The following TOM1L2 variants were observed in gnomAD, a reference collection of about 807,000 sequenced individuals.
TOM1L2 encodes TOM1-like protein 2.
In TOM1L2, 31 loss-of-function variants were observed where a neutral mutation model predicts 67.9. The observed-to-expected ratio is 0.46, with a 90% confidence interval of 0.34 to 0.62. The LOEUF (loss-of-function observed/expected upper bound fraction) is 0.62, where lower values mean the gene tolerates loss of function less well. TOM1L2 is among the 20% of genes least tolerant of loss of function. The pLI is 0.01. For missense variants in TOM1L2, 606 were observed against 663.5 expected, an observed-to-expected ratio of 0.91 and a Z score of 0.95; for synonymous variants, 256 against 254.0, an observed-to-expected ratio of 1.01 and a Z score of -0.07.
chr17:17,961,812 C>T (rs1360112944), intron 1 of TOM1L2, among the ~76,000 whole-genome samples: 1 of 148,140 alleles, frequency 6.8e-6, no homozygotes, highest in Non-Finnish European at 1.5e-5. Context: ...GTGGAGCTTG[C>T]AGTGAGCAGA....
In TOM1L2 at chr17:17,844,186, G is replaced by A. The variant is rs2035525757; in HGVS notation, c.*3449C>T. ...CTGGCCTGGCCCCAGGTGGGCCCAT[G>A]GCCTACCCCAAGCCATCCAGAAGGC... On this transcript the variant is annotated 3_prime_UTR_variant, in exon 15 of 15. Transcript: ENST00000379504. 6.6e-6 allele frequency: 1 copy of A among 152,160 alleles called. No homozygotes were observed. The highest frequency in any genetic ancestry group is 1.5e-5 in the Non-Finnish European group (1 of 68,058). 9.4% of individuals were successfully genotyped at this position (152,160 alleles called of 1,614,324 possible). A position where few individuals can be genotyped will look rare whatever the true frequency, so the allele number is the denominator to read the frequency against.
In TOM1L2 at chr17:17,908,560, C is replaced by G. The variant is rs188545013; in HGVS notation, c.53-1029G>C. Reference sequence around the variant, plus strand: ...ATATGATAAGGGGTTAATATCCAGACTACGTAAAGAACTCCTATAGCTTAA... The same window carrying G: ...ATATGATAAGGGGTTAATATCCAGAGTACGTAAAGAACTCCTATAGCTTAA... On this transcript the variant is annotated intron_variant, in intron 1 of 14. Transcript: ENST00000379504. 2.4e-3 allele frequency among the ~76,000 whole-genome samples: 368 copies of G among 152,212 alleles called. 1 individual carries two copies. The highest frequency in any genetic ancestry group is 3.9e-3 in the Non-Finnish European group (266 of 68,022).
At chr17:17,953,141 C>T (rs555341990) in intron 1 of TOM1L2, among the ~76,000 whole-genome samples, 45 of 152,110 alleles carry the variant, frequency 3.0e-4, no homozygotes, top group Middle Eastern at 3.4e-3. Flanking sequence ...ATTAGCCAGG[C>T]GTGGTGGTCA....
At chr17:17,874,099 G>A (rs953809613) in intron 7 of TOM1L2, among the ~76,000 whole-genome samples, 2 of 151,664 alleles carry the variant, frequency 1.3e-5, no homozygotes, top group African/African-American at 4.8e-5. Flanking sequence ...GGGATTACAG[G>A]TGCCTGCCAC....
intron 12 of TOM1L2, chr17:17,851,188 G>T: frequency 1.8e-6 from 1 of 550,126 alleles, no homozygotes; most frequent in South Asian, 2.0e-5. Context: ...CGGCAGGGCC[G>T]GCGGTAAGGA....
rs1331304930 is a variant in TOM1L2 at position 17,865,549 on chromosome 17, T to C, written c.1084+747A>G. On this transcript the variant is annotated intron_variant, in intron 10 of 14. Transcript: ENST00000379504. ...CCGCCACCAAGTCTGGCTAATTTTT[T>C]TGTATTTTTAGTACAGACGGGGTTT... is the stretch of plus-strand genomic sequence containing the variant. Among the ~76,000 whole-genome samples the C allele has an allele frequency of 3.3e-5, 5 of 152,070 alleles. No individual in the cohort carries two copies. The South Asian group carries it at 1.0e-3, about 32-fold the overall frequency.
intron 4 of TOM1L2, among the ~76,000 whole-genome samples, chr17:17,893,262 T>A (rs2038384907): frequency 6.6e-6 from 1 of 152,172 alleles, no homozygotes; most frequent in Non-Finnish European, 1.5e-5. Context: ...CAGTGAAACA[T>A]CCCTTAACAC....
intron 1 of TOM1L2, among the ~76,000 whole-genome samples, chr17:17,928,445 T>C (rs1312234801): frequency 2.0e-5 from 3 of 152,244 alleles, no homozygotes; most frequent in Non-Finnish European, 4.4e-5. Context: ...TAAAATATTA[T>C]GTGCATACTA....
At chr17:17,944,638 T>C (rs953587347) in intron 1 of TOM1L2, among the ~76,000 whole-genome samples, 1 of 152,242 alleles carries the variant, frequency 6.6e-6, no homozygotes, top group Non-Finnish European at 1.5e-5. Context: ...GCTTCTCTTG[T>C]GAAAATCTAT....
intron 1 of TOM1L2, among the ~76,000 whole-genome samples, chr17:17,948,077 T>C (rs1046167812): frequency 6.6e-6 from 1 of 152,206 alleles, no homozygotes; most frequent in Admixed American, 6.5e-5. Context: ...TTAGTCATAA[T>C]TGAGGAAACT....
chr17:17,954,725 G>C (rs1019299360), intron 1 of TOM1L2, among the ~76,000 whole-genome samples: 1 of 152,108 alleles, frequency 6.6e-6, no homozygotes, highest in Non-Finnish European at 1.5e-5. Flanking sequence ...TATGAAGGAG[G>C]AGACCAGCTA....
intron 2 of TOM1L2, among the ~76,000 whole-genome samples, chr17:17,904,021 T>C (rs1196749923): frequency 6.7e-6 from 1 of 148,370 alleles, no homozygotes; most frequent in Non-Finnish European, 1.5e-5. Flanking sequence ...TTTTAAGATA[T>C]GGGGTCTCAC....
At chr17:17,933,445 A>G (rs539687944) in intron 1 of TOM1L2, among the ~76,000 whole-genome samples, 2 of 152,316 alleles carry the variant, frequency 1.3e-5, no homozygotes, top group South Asian at 4.1e-4. Flanking sequence ...AAAAGAAGAA[A>G]TGAGGAACAG....
At chr17:17,943,710 T>C (rs1237033183) in intron 1 of TOM1L2, among the ~76,000 whole-genome samples, 2 of 152,090 alleles carry the variant, frequency 1.3e-5, no homozygotes, top group African/African-American at 4.8e-5. Context: ...TCTGATCTCA[T>C]CTTCCCCCTA....
chr17:17,912,650 T>A (rs1244217237), intron 1 of TOM1L2, among the ~76,000 whole-genome samples: 2 of 150,342 alleles, frequency 1.3e-5, no homozygotes, highest in Non-Finnish European at 3.0e-5. Flanking sequence ...GAGGCGCTCC[T>A]CACTTCCTAG....
chr17:17,853,749 G>C (rs1454773270), intron 12 of TOM1L2, among the ~76,000 whole-genome samples: 1 of 152,154 alleles, frequency 6.6e-6, no homozygotes, highest in East Asian at 1.9e-4. Flanking sequence ...GCTCCTCTCT[G>C]GACCCCACTT....
rs555405039 is a variant in TOM1L2 at position 17,867,028 on chromosome 17, C to T, written c.912-104G>A. On this transcript the variant is annotated intron_variant, in intron 8 of 14. Coordinates refer to ENST00000379504, the MANE Select transcript of TOM1L2 (RefSeq NM_001082968.2). ...GAAGAATCCCTGGGACCAAGACCAG[C>T]CAGTCCCACCTGGGGGCTAGGGAGT... The T allele has an allele frequency of 2.0e-5, 21 of 1,056,886 alleles. No homozygotes were observed. The African/African-American group carries it at 2.8e-4, about 14-fold the overall frequency. 65.5% of individuals were successfully genotyped at this position (1,056,886 alleles called of 1,614,324 possible). A position where few individuals can be genotyped will look rare whatever the true frequency, so the allele number is the denominator to read the frequency against.
chr17:17,898,480 A>T, intron 3 of TOM1L2, 116 bp downstream of exon 3: 2 of 1,065,692 alleles, frequency 1.9e-6, no homozygotes, highest in South Asian at 2.6e-5. Context: ...TGGCCCAGGC[A>T]CCAAGCCATT....
chr17:17,968,602 T>C (rs1225055743), intron 1 of TOM1L2, among the ~76,000 whole-genome samples: 1 of 150,932 alleles, frequency 6.6e-6, no homozygotes, highest in Non-Finnish European at 1.5e-5. Flanking sequence ...GGGGCGGAGG[T>C]TGCAGTGAGC....
Sources: gnomAD v4.1 joint callset for allele counts (sites outside exome capture counted in the v4.1 genomes callset) on GRCh38, gnomAD v4.1.1 for gene constraint, MANE v1.5 for transcripts, NCBI Gene and HGNC (gene_info 2026-07-23, HGNC 2026-07-21) for gene names.